Variants in CTNNA3 observed in about 807,000 individuals in gnomAD.
The protein encoded by CTNNA3 is catenin alpha-3.
A neutral mutation model predicts 95.7 loss-of-function variants in CTNNA3; 76 were observed. The ratio of observed to expected loss-of-function variants is 0.79; its 90% CI spans 0.66 to 0.96. The LOEUF (loss-of-function observed/expected upper bound fraction) is 0.96. Ranked by LOEUF, CTNNA3 falls within the 40% of genes least tolerant of loss-of-function variation. The probability of loss-of-function intolerance (pLI) is 0.00; values close to 1 mark genes in which losing one functional copy is unlikely to be tolerated. For synonymous variants in CTNNA3, 431 were observed against 374.4 expected (o/e 1.15, Z -1.74); for missense variants, 1,191 against 1,089.8 (o/e 1.09, Z -1.31).
At chr10:67,646,943 C>T (rs1226686498) in intron 2 of CTNNA3, among the ~76,000 whole-genome samples, 1 of 151,964 alleles carries the variant, frequency 6.6e-6, no homozygotes, top group Non-Finnish European at 1.5e-5. Flanking sequence ...CTTTAAATAG[C>T]TGCTTTTCTC....
chr10:66,708,622 G>A (rs983934670), intron 9 of CTNNA3, among the ~76,000 whole-genome samples: 4 of 152,022 alleles, frequency 2.6e-5, no homozygotes, highest in African/African-American at 9.7e-5. Flanking sequence ...ATACAATTCA[G>A]CCCATAACAA....
intron 1 of CTNNA3, among the ~76,000 whole-genome samples, chr10:67,728,407 A>G (rs1296129238): frequency 6.7e-6 from 1 of 149,528 alleles, no homozygotes; most frequent in Non-Finnish European, 1.5e-5. Context: ...TATATACATA[A>G]TATATACTAT....
At chr10:67,200,487 C>A (rs76632273) in intron 6 of CTNNA3, among the ~76,000 whole-genome samples, 1,730 of 152,164 alleles carry the variant, frequency 0.011, 35 homozygotes, top group African/African-American at 0.039. Context: ...AAAAATTATC[C>A]CTCTAAACAT....
intron 9 of CTNNA3, among the ~76,000 whole-genome samples, chr10:66,674,072 C>G (rs977873207): frequency 2.0e-5 from 3 of 151,782 alleles, no homozygotes; most frequent in African/African-American, 7.3e-5. Context: ...AGTATCTTCT[C>G]CTGTGACTAT....
At chr10:67,265,875 C>G (rs1589106399) in intron 5 of CTNNA3, among the ~76,000 whole-genome samples, 1 of 152,140 alleles carries the variant, frequency 6.6e-6, no homozygotes, top group East Asian at 1.9e-4. Context: ...TATCTTTATT[C>G]TCAGCTTGAG....
intron 12 of CTNNA3, among the ~76,000 whole-genome samples, chr10:66,302,336 C>T (rs947414340): frequency 1.3e-5 from 2 of 151,908 alleles, no homozygotes; most frequent in African/African-American, 4.8e-5. Context: ...CTAAACTTAA[C>T]AGGGAAAAGC....
intron 9 of CTNNA3, among the ~76,000 whole-genome samples, chr10:66,734,632 G>A (rs1413799904): frequency 6.6e-6 from 1 of 152,134 alleles, no homozygotes; most frequent in East Asian, 1.9e-4. Context: ...GGGAGGCCAA[G>A]GCGGGTGGAT....
At position 67,688,370 on chromosome 10, in the gene CTNNA3, T is replaced by C. The variant is rs555672784; in HGVS notation, c.-6+7630A>G. ...GCTTATCATTAATAGGAAGGGGAGC[T>C]ATAGGGAGGCTAGGATATGGAGGTA... is the stretch of plus-strand genomic sequence containing the variant. On this transcript the variant is annotated intron_variant, in intron 1 of 17. Coordinates refer to ENST00000433211, the MANE Select transcript of CTNNA3 (RefSeq NM_013266.4). Among the ~76,000 whole-genome samples, 3 of 152,136 alleles carry C rather than the reference T, an allele frequency of 2.0e-5. No homozygotes were observed. The East Asian group carries it at 5.8e-4, about 29-fold the overall frequency.
At chr10:66,915,836 C>A (rs1000837398) in intron 7 of CTNNA3, among the ~76,000 whole-genome samples, 1 of 151,472 alleles carries the variant, frequency 6.6e-6, no homozygotes, top group Non-Finnish European at 1.5e-5. Context: ...GCAACCTCTG[C>A]CTCCCGAGTT....
chr10:66,190,451 G>T (rs1207290376), intron 13 of CTNNA3, among the ~76,000 whole-genome samples: 1 of 152,178 alleles, frequency 6.6e-6, no homozygotes, highest in East Asian at 1.9e-4. Context: ...GATATAGAGT[G>T]CCATTGACAT....
At chr10:67,690,809 G>T (rs1840830908) in intron 1 of CTNNA3, among the ~76,000 whole-genome samples, 1 of 152,212 alleles carries the variant, frequency 6.6e-6, no homozygotes. Context: ...GCTTGTACCA[G>T]AATGTAAGTT....
intron 7 of CTNNA3, among the ~76,000 whole-genome samples, chr10:67,036,399 G>A (rs1274788102): frequency 6.6e-6 from 1 of 151,948 alleles, no homozygotes; most frequent in Non-Finnish European, 1.5e-5. Context: ...CTCCCAAGTA[G>A]CGACACCTGT....
chr10:67,261,044 TAGAA>T (rs1866588320), intron 5 of CTNNA3, among the ~76,000 whole-genome samples: 1 of 152,298 alleles, frequency 6.6e-6, no homozygotes, highest in East Asian at 1.9e-4. Context: ...AGTGCTCTGA[TAGAA>T]AGCCTCAGTG....
intron 13 of CTNNA3, among the ~76,000 whole-genome samples, chr10:66,272,897 C>T (rs945538157): frequency 2.0e-5 from 3 of 152,096 alleles, no homozygotes; most frequent in South Asian, 2.1e-4. Flanking sequence ...GCCATCAGTC[C>T]GAACACATTT....
intron 13 of CTNNA3, among the ~76,000 whole-genome samples, chr10:66,147,564 T>C (rs568263474): frequency 1.3e-5 from 2 of 151,212 alleles, no homozygotes; most frequent in East Asian, 3.9e-4. Context: ...AACTGTACCA[T>C]GGTATTTCAG....
At chr10:66,252,588 T>A (rs112839724) in intron 13 of CTNNA3, among the ~76,000 whole-genome samples, 1 of 152,162 alleles carries the variant, frequency 6.6e-6, no homozygotes, top group Non-Finnish European at 1.5e-5. Context: ...GTATGTGGTG[T>A]TATGTGAATA....
intron 15 of CTNNA3, among the ~76,000 whole-genome samples, chr10:66,015,490 A>T (rs2133405334): frequency 6.6e-6 from 1 of 152,274 alleles, no homozygotes; most frequent in African/African-American, 2.4e-5. Context: ...ATTGTCAATA[A>T]GTGCTTCTGT....
Position 66,565,883 on chromosome 10 carries a change from G to A in CTNNA3, c.1375-45110C>T, listed in dbSNP as rs1030558525. ...GAGAAAAGGAGATCTATCTGGTGTTGCTTTTCATTATATCCCAGCACCTAG... is the reference window on the plus strand; with the variant it reads ...GAGAAAAGGAGATCTATCTGGTGTTACTTTTCATTATATCCCAGCACCTAG... On this transcript the variant is annotated intron_variant, in intron 10 of 17. Transcript: ENST00000433211. Among the ~76,000 whole-genome samples the A allele has an allele frequency of 7.9e-5, 12 of 152,122 alleles. No individual in the cohort carries two copies. The South Asian group carries it at 8.3e-4, about 11-fold the overall frequency.
chr10:66,420,080 A>C (rs2093178924), intron 11 of CTNNA3, among the ~76,000 whole-genome samples: 1 of 152,208 alleles, frequency 6.6e-6, no homozygotes. Context: ...CAAAGGAAAC[A>C]ATCAAAAGAG....
Sources: allele counts gnomAD v4.1 joint callset (sites outside exome capture counted in the v4.1 genomes callset), GRCh38; gene constraint gnomAD v4.1.1; transcripts MANE v1.5; gene names NCBI Gene and HGNC (gene_info 2026-07-23, HGNC 2026-07-21).